The following CCSER1 variants were observed in gnomAD, a reference collection of about 807,000 sequenced individuals.
The protein encoded by CCSER1 is serine-rich coiled-coil domain-containing protein 1.
In CCSER1, 41 loss-of-function variants were observed where a neutral mutation model predicts 82.0. The ratio of observed to expected loss-of-function variants is 0.50; its 90% CI spans 0.39 to 0.65. CCSER1 has a LOEUF of 0.65. CCSER1 is among the 30% of genes least tolerant of loss of function. The pLI is 0.00. For synonymous variants in CCSER1, 414 were observed against 383.9 expected (o/e 1.08, Z -0.92); for missense variants, 1,119 against 1,064.2 (o/e 1.05, Z -0.72).
intron 9 of CCSER1, among the ~76,000 whole-genome samples, chr4:90,954,970 T>C (rs2150361516): frequency 6.6e-6 from 1 of 152,296 alleles, no homozygotes; most frequent in African/African-American, 2.4e-5. Flanking sequence ...CACCAGATAC[T>C]TTTATGCTTA....
rs180850262 is a variant in CCSER1 at position 91,262,185 on chromosome 4, G to A, written c.2217+176191G>A. Among the ~76,000 whole-genome samples the A allele has an allele frequency of 4.8e-4, 73 of 151,532 alleles. No homozygotes were observed. The East Asian group carries it at 0.011, about 22-fold the overall frequency. On this transcript the variant is annotated intron_variant, in intron 10 of 10. Transcript: ENST00000509176. Reference sequence around the variant, plus strand: ...ATTTGGGTTCGAATCTTAGCTTACAGGTTGTGGCTCTGAAACCTTGGGCTC... The same window carrying A: ...ATTTGGGTTCGAATCTTAGCTTACAAGTTGTGGCTCTGAAACCTTGGGCTC...
intron 5 of CCSER1, among the ~76,000 whole-genome samples, chr4:90,541,233 A>G (rs1453738428): frequency 6.6e-6 from 1 of 152,150 alleles, no homozygotes; most frequent in Non-Finnish European, 1.5e-5. Flanking sequence ...CGACATGAGT[A>G]AAATAAAGAC....
rs147384927 is a variant in CCSER1, at chr4:90,189,591, G to A, written c.-42+61760G>A. On this transcript the variant is annotated intron_variant, in intron 1 of 10. Transcript: ENST00000509176. ...ATATACATATATATACCATAGAGACGTTGTGTTTAATATTCGTAATGTTCC... is the reference window on the plus strand; with the variant it reads ...ATATACATATATATACCATAGAGACATTGTGTTTAATATTCGTAATGTTCC... Among the ~76,000 whole-genome samples the A allele has an allele frequency of 4.9e-3, 750 of 151,724 alleles. 4 individuals are homozygous for A. The highest frequency in any genetic ancestry group is 0.012 in the African/African-American group (514 of 41,398).
chr4:90,168,021 C>G (rs1209769783), intron 1 of CCSER1, among the ~76,000 whole-genome samples: 2 of 151,928 alleles, frequency 1.3e-5, no homozygotes, highest in Non-Finnish European at 2.9e-5. Context: ...AATGGTATTT[C>G]TAGTTCTAGA....
Position 90,469,524 on chromosome 4 carries a change from AACACACACAC to A in CCSER1, c.1724+1204_1724+1213del, listed in dbSNP as rs3971380. Among the ~76,000 whole-genome samples the A allele has an allele frequency of 1.2e-3, 167 of 136,426 alleles. 3 individuals are homozygous for A. The South Asian group carries it at 0.03, about 24-fold the overall frequency. 89.5% of individuals were successfully genotyped at this position (136,426 alleles called of 152,430 possible). A position where few individuals can be genotyped will look rare whatever the true frequency, so the allele number is the denominator to read the frequency against. Reference sequence around the variant, plus strand: ...AAAGCTCAAATGTGTTTTCCTGCAAAACACACACACACACACACACACACACACACACACA... The same window carrying A: ...AAAGCTCAAATGTGTTTTCCTGCAAAACACACACACACACACACACACACA... On this transcript the variant is annotated intron_variant, in intron 5 of 10. Transcript: ENST00000509176.
At chr4:90,702,088 C>A (rs553785207) in intron 6 of CCSER1, among the ~76,000 whole-genome samples, 78 of 152,210 alleles carry the variant, frequency 5.1e-4, no homozygotes, top group Non-Finnish European at 9.3e-4. Context: ...TTTGCCCATT[C>A]AGTATGATAT....
chr4:90,744,450 G>T (rs1056573115), intron 7 of CCSER1, among the ~76,000 whole-genome samples: 1 of 152,086 alleles, frequency 6.6e-6, no homozygotes, highest in Non-Finnish European at 1.5e-5. Context: ...ATATCAAGAG[G>T]CACTGATCAA....
chr4:90,602,438 C>T (rs969842677), intron 5 of CCSER1, among the ~76,000 whole-genome samples: 14 of 151,984 alleles, frequency 9.2e-5, no homozygotes, highest in East Asian at 3.9e-4. Flanking sequence ...TTAGGTCTTT[C>T]GGCTTGATCA....
At chr4:90,798,361 T>C (rs1158899979) in intron 7 of CCSER1, among the ~76,000 whole-genome samples, 1 of 152,162 alleles carries the variant, frequency 6.6e-6, no homozygotes, top group Admixed American at 6.5e-5. Context: ...GGCTATTTTG[T>C]CTGTCAGCAC....
At chr4:91,506,733 A>G (rs1454059734) in intron 10 of CCSER1, among the ~76,000 whole-genome samples, 2 of 152,178 alleles carry the variant, frequency 1.3e-5, no homozygotes, top group East Asian at 1.9e-4. Flanking sequence ...TGTTTTCAGT[A>G]TGTGCATAGA....
rs368242569 is a variant in CCSER1 at position 91,117,752 on chromosome 4, C to A, written c.2217+31758C>A. On this transcript the variant is annotated intron_variant, in intron 10 of 10. Coordinates refer to ENST00000509176, the MANE Select transcript of CCSER1 (RefSeq NM_001145065.2). ...TGTGGTGTCAACCACACTTTAAAAA[C>A]CCTGGCTTTGCTACTCAACAGTTAC... Among the ~76,000 whole-genome samples, 432 of 152,214 alleles carry A rather than the reference C, an allele frequency of 2.8e-3. 1 individual carries two copies. The highest frequency in any genetic ancestry group is 9.8e-3 in the African/African-American group (407 of 41,534).
intron 6 of CCSER1, chr4:90,664,039 CA>C (rs931065702): frequency 4.9e-5 from 8 of 163,618 alleles, no homozygotes; most frequent in South Asian, 2.7e-4. Context: ...AAATTCTATA[CA>C]AAAAAAATCT....
chr4:90,282,906 A>G (rs1030734229), intron 1 of CCSER1, among the ~76,000 whole-genome samples: 1 of 151,972 alleles, frequency 6.6e-6, no homozygotes, highest in Non-Finnish European at 1.5e-5. Context: ...AGAGTTTTCT[A>G]TCCAGGGTAA....
At chr4:90,519,775 A>G (rs1237556283) in intron 5 of CCSER1, among the ~76,000 whole-genome samples, 3 of 152,174 alleles carry the variant, frequency 2.0e-5, no homozygotes, top group East Asian at 1.9e-4. Context: ...TCTTGGACTA[A>G]TACTTTGGAA....
At position 90,247,591 on chromosome 4, in the gene CCSER1, C is replaced by G. The variant is rs1403484742; in HGVS notation, c.-41-60653C>G. 2.6e-5 allele frequency among the ~76,000 whole-genome samples: 4 copies of G among 152,004 alleles called. No homozygotes were observed. In the East Asian group the frequency reaches 7.7e-4, roughly 29 times the overall value. On this transcript the variant is annotated intron_variant, in intron 1 of 10. Transcript: ENST00000509176. ...TGAAAACTGAGAAAGTATTACAGAT[C>G]ATTTAAAATTAGTACTGCTACTTTG...
chr4:90,809,352 AGCACACACT>A (rs1177267649), intron 7 of CCSER1, among the ~76,000 whole-genome samples: 1 of 151,784 alleles, frequency 6.6e-6, no homozygotes, highest in Non-Finnish European at 1.5e-5. Flanking sequence ...GCACACACAC[AGCACACACT>A]GTGGAATACT....
intron 10 of CCSER1, among the ~76,000 whole-genome samples, chr4:91,253,153 C>T (rs903847008): frequency 1.3e-5 from 2 of 152,122 alleles, no homozygotes; most frequent in Non-Finnish European, 2.9e-5. Context: ...CCTCTTTCTC[C>T]TCCTGCTCAG....
At chr4:90,193,859 TAA>T (rs1736108301) in intron 1 of CCSER1, among the ~76,000 whole-genome samples, 1 of 152,044 alleles carries the variant, frequency 6.6e-6, no homozygotes. Context: ...ACAAGGAAGC[TAA>T]AGGTAAAAAT....
At chr4:91,571,188 T>C (rs1049148959) in intron 10 of CCSER1, among the ~76,000 whole-genome samples, 2 of 152,320 alleles carry the variant, frequency 1.3e-5, no homozygotes, top group African/African-American at 2.4e-5. Flanking sequence ...ATCCAAACTT[T>C]GCCACATTTT....
Sources: gnomAD v4.1 joint callset for allele counts (sites outside exome capture counted in the v4.1 genomes callset) on GRCh38, gnomAD v4.1.1 for gene constraint, MANE v1.5 for transcripts, NCBI Gene and HGNC (gene_info 2026-07-23, HGNC 2026-07-21) for gene names.